SLC26A5: variants seen among roughly 807,000 people sequenced by gnomAD.
SLC26A5 encodes prestin.
In SLC26A5, 51 loss-of-function variants were observed where a neutral mutation model predicts 81.0. That is an observed-to-expected ratio of 0.63 (90% CI 0.50 to 0.80). The LOEUF (loss-of-function observed/expected upper bound fraction) is 0.80, where lower values mean the gene tolerates loss of function less well. Among genes scored for constraint, SLC26A5 ranks in the 30% least tolerant of loss-of-function variants. The pLI is 0.00. For missense variants in SLC26A5, 771 were observed against 905.8 expected, an observed-to-expected ratio of 0.85 and a Z score of 1.91; for synonymous variants, 325 against 332.8, an observed-to-expected ratio of 0.98 and a Z score of 0.25.
Position 103,410,585 on chromosome 7 carries a change from A to C in SLC26A5, c.571-36T>G, listed in dbSNP as rs983820672. 4 of 1,559,776 alleles carry C rather than the reference A, an allele frequency of 2.6e-6. No individual in the cohort carries two copies. The South Asian group carries it at 3.5e-5, about 13-fold the overall frequency. Reference sequence around the variant, plus strand: ...TTAATGACAAAGAAACAAATGAATCACATGATAGGTCAGGAAGTTATGACC... The same window carrying C: ...TTAATGACAAAGAAACAAATGAATCCCATGATAGGTCAGGAAGTTATGACC... On this transcript the variant is annotated intron_variant, in intron 6 of 19. Transcript: ENST00000306312.
At chr7:103,410,165 T>C (rs754065736) in intron 7 of SLC26A5, among the ~76,000 whole-genome samples, 4 of 152,216 alleles carry the variant, frequency 2.6e-5, no homozygotes, top group Non-Finnish European at 5.9e-5. Context: ...AAATTCCTTG[T>C]GAAGTAGGCA....
intron 19 of SLC26A5, among the ~76,000 whole-genome samples, chr7:103,360,983 G>A (rs373933825): frequency 6.6e-5 from 10 of 151,962 alleles, no homozygotes; most frequent in East Asian, 5.8e-4. Context: ...GCGTGCTGGC[G>A]CATTCCTGTA....
rs1822464013 is a variant in SLC26A5, at chr7:103,389,421, C to T, written c.1315G>A (p.Val439Met). The T allele has an allele frequency of 6.2e-7, 1 of 1,611,902 alleles. No individual in the cohort carries two copies. Among genetic ancestry groups the T allele is most frequent in the Non-Finnish European group, 8.5e-7 (1 of 1,178,090 alleles). The part of the protein sequence containing the change: ...GFLFESLPQA[V>M]LSAIVIVNLK... The stretch of plus-strand genomic sequence containing the variant: ...TTGACAATCACAATGGCCGACAGCA[C>T]AGCCTGAAACAGAGCACATCCCCCA... Residue 439 changes from valine to methionine, a missense_variant, in exon 13 of 20, where the codon GTG becomes ATG. Val to Met is a conservative substitution (Grantham distance 21). Coordinates refer to ENST00000306312, the MANE Select transcript of SLC26A5 (RefSeq NM_198999.3).
intron 1 of SLC26A5, among the ~76,000 whole-genome samples, chr7:103,444,015 GGGTGAA>G (rs1251095896): frequency 4.6e-5 from 7 of 152,166 alleles, no homozygotes; most frequent in Non-Finnish European, 8.8e-5. Flanking sequence ...TTGTTTTCAA[GGGTGAA>G]GGTGGGGAGA....
In SLC26A5 at chr7:103,434,712, C is replaced by A. The variant is rs950129210; in HGVS notation, c.-54+8371G>T. On this transcript the variant is annotated intron_variant, in intron 2 of 19. Transcript: ENST00000306312. ...TATTGCCCAGGCTGGAGTGCAGTGG[C>A]GCGACCTCAGCTCACTGAAACCTCT... Among the ~76,000 whole-genome samples, 10 of 152,146 alleles carry A rather than the reference C, an allele frequency of 6.6e-5. No individual in the cohort carries two copies. The South Asian group carries it at 1.9e-3, about 28-fold the overall frequency.
intron 2 of SLC26A5, among the ~76,000 whole-genome samples, chr7:103,438,418 T>G (rs1826626261): frequency 6.6e-6 from 1 of 151,286 alleles, no homozygotes; most frequent in Non-Finnish European, 1.5e-5. Context: ...GGAGTCTCGC[T>G]CTCGACTCAC....
chr7:103,420,369 C>T (rs917286681), intron 4 of SLC26A5, among the ~76,000 whole-genome samples: 2 of 142,914 alleles, frequency 1.4e-5, no homozygotes, highest in African/African-American at 5.2e-5. Flanking sequence ...GATCATAGCT[C>T]ATTACAGCCT....
At chr7:103,439,945 G>A (rs1340544592) in intron 2 of SLC26A5, among the ~76,000 whole-genome samples, 2 of 152,042 alleles carry the variant, frequency 1.3e-5, no homozygotes, top group South Asian at 4.1e-4. Context: ...ACCACCTTCC[G>A]GTCTATGCTC....
chr7:103,413,293 A>G (rs1181110007), intron 4 of SLC26A5, among the ~76,000 whole-genome samples, 181 bp from the exon 5 acceptor site: 2 of 152,310 alleles, frequency 1.3e-5, no homozygotes, highest in East Asian at 3.9e-4. Flanking sequence ...GTCCAAGCTG[A>G]GAAACTTTGC....
At chr7:103,442,730 C>G (rs184692270) in intron 2 of SLC26A5, among the ~76,000 whole-genome samples, 9 of 152,268 alleles carry the variant, frequency 5.9e-5, no homozygotes, top group Admixed American at 1.3e-4. Context: ...AGATCATATG[C>G]CTGGTTAGTG....
chr7:103,354,346 T>C (rs1402745502), intron 19 of SLC26A5, among the ~76,000 whole-genome samples: 1 of 152,076 alleles, frequency 6.6e-6, no homozygotes, highest in Non-Finnish European at 1.5e-5. Flanking sequence ...ATCGATAGTT[T>C]TGCATAATTT....
chr7:103,411,687 C>G (rs576574247), intron 5 of SLC26A5, 101 bp from the exon 6 acceptor site: 1 of 1,336,638 alleles, frequency 7.5e-7, no homozygotes, highest in African/African-American at 1.5e-5. Flanking sequence ...AGAAATCATG[C>G]TTGAAGGAAG....
At chr7:103,390,929 G>A (rs954090157) in intron 11 of SLC26A5, among the ~76,000 whole-genome samples, 1 of 149,996 alleles carries the variant, frequency 6.7e-6, no homozygotes, top group Non-Finnish European at 1.5e-5. Context: ...GCAGTGGCGC[G>A]ACCCTGGCTC....
intron 8 of SLC26A5, among the ~76,000 whole-genome samples, chr7:103,406,954 G>A (rs1388020708): frequency 6.6e-6 from 1 of 152,098 alleles, no homozygotes; most frequent in South Asian, 2.1e-4. Context: ...ACACCTAGAC[G>A]ACTCTTCATT....
intron 19 of SLC26A5, among the ~76,000 whole-genome samples, chr7:103,355,486 T>C (rs954949967): frequency 1.5e-5 from 2 of 129,346 alleles, no homozygotes; most frequent in Non-Finnish European, 3.2e-5. Flanking sequence ...TCTGGAGACA[T>C]CCTTGATTGT....
At chr7:103,373,258 A>G (rs1197248615), downstream of SLC26A5, among the ~76,000 whole-genome samples, 1 of 152,202 alleles carries the variant, frequency 6.6e-6, no homozygotes, top group African/African-American at 2.4e-5. Flanking sequence ...TGTCATGCTG[A>G]TCCAGTAATC....
intron 9 of SLC26A5, among the ~76,000 whole-genome samples, 157 bp from the exon 10 acceptor site, chr7:103,393,223 C>G (rs1021669809): frequency 6.6e-6 from 1 of 152,178 alleles, no homozygotes; most frequent in Non-Finnish European, 1.5e-5. Flanking sequence ...AAGGAGGGCC[C>G]TCCTTGACGC....
At chr7:103,415,204 A>C (rs115917985) in intron 4 of SLC26A5, among the ~76,000 whole-genome samples, 1,736 of 152,284 alleles carry the variant, frequency 0.011, 37 homozygotes, top group African/African-American at 0.039. Flanking sequence ...TAACATGGTC[A>C]CTCGAATGTT....
In SLC26A5 at chr7:103,428,127, A is replaced by G. The variant is rs567953416; in HGVS notation, c.-53-6560T>C. Among the ~76,000 whole-genome samples, 7 of 152,264 alleles carry G rather than the reference A, an allele frequency of 4.6e-5. No individual in the cohort carries two copies. The South Asian group carries it at 1.5e-3, about 32-fold the overall frequency. ...CTTAGCCTCCCAAAGTGCTGGGATT[A>G]CAGGCATAAGCCACTATGCCTGGCC... On this transcript the variant is annotated intron_variant, in intron 2 of 19. Coordinates refer to ENST00000306312, the MANE Select transcript of SLC26A5 (RefSeq NM_198999.3).
Sources: allele counts gnomAD v4.1 joint callset (sites outside exome capture counted in the v4.1 genomes callset), GRCh38; gene constraint gnomAD v4.1.1; transcripts MANE v1.5; gene names NCBI Gene and HGNC (gene_info 2026-07-23, HGNC 2026-07-21).